The following FBLN5 variants were observed in gnomAD, a reference collection of about 807,000 sequenced individuals.
The protein encoded by FBLN5 is fibulin-5.
FBLN5 carries 24 observed loss-of-function variants against 61.6 expected under a neutral mutation model. That is an observed-to-expected ratio of 0.39 (90% CI 0.28 to 0.55). FBLN5 has a LOEUF of 0.55. Among genes scored for constraint, FBLN5 ranks in the 20% least tolerant of loss-of-function variants. The pLI is 0.65. For missense variants in FBLN5, 470 were observed against 594.1 expected, an observed-to-expected ratio of 0.79 and a Z score of 2.17; for synonymous variants, 213 against 219.8, an observed-to-expected ratio of 0.97 and a Z score of 0.27.
At chr14:91,926,825 C>T (rs369337242) in intron 4 of FBLN5, among the ~76,000 whole-genome samples, 2 of 152,068 alleles carry the variant, frequency 1.3e-5, no homozygotes, top group Admixed American at 6.6e-5. Context: ...AGTGACAACG[C>T]GATTGCTTAG....
At chr14:91,875,318 G>A (rs1889116049) in intron 10 of FBLN5, among the ~76,000 whole-genome samples, 2 of 152,162 alleles carry the variant, frequency 1.3e-5, no homozygotes, top group Admixed American at 1.3e-4. Context: ...GAGGAACGGG[G>A]AATGCAAGGA....
intron 1 of FBLN5, chr14:91,946,601 A>T: frequency 5.9e-6 from 5 of 845,174 alleles, no homozygotes; most frequent in Non-Finnish European, 9.5e-6. Flanking sequence ...TGTTTTCAAG[A>T]GCTCGCTGAA....
At chr14:91,914,497 A>C (rs894502957) in intron 4 of FBLN5, among the ~76,000 whole-genome samples, 34 of 149,700 alleles carry the variant, frequency 2.3e-4, no homozygotes, top group African/African-American at 7.8e-4. Context: ...AAAAAAAAAA[A>C]AAAACAACAA....
Position 91,882,317 on chromosome 14 carries a change from G to A in FBLN5, c.862+637C>T, listed in dbSNP as rs1310201254. ...TTCTATTGCCTGGCACTACTACGGA[G>A]AATTCTTGCTTGGCAATGGGATAAG... On this transcript the variant is annotated intron_variant, in intron 8 of 10. Transcript: ENST00000342058. This position sits in a 1 kb window ranked among gnomAD's most constrained non-coding sequence, Gnocchi z 4.9. Among the ~76,000 whole-genome samples the A allele has an allele frequency of 6.6e-6, 1 of 152,212 alleles. No individual in the cohort carries two copies. The highest frequency in any genetic ancestry group is 1.5e-5 in the Non-Finnish European group (1 of 68,052).
At chr14:91,899,806 G>A (rs1280116564) in intron 4 of FBLN5, among the ~76,000 whole-genome samples, 1 of 152,224 alleles carries the variant, frequency 6.6e-6, no homozygotes, top group African/African-American at 2.4e-5. Flanking sequence ...CCTCAGGCTG[G>A]TGTGTTTTAA....
chr14:91,925,126 A>C (rs1383378003), intron 4 of FBLN5, among the ~76,000 whole-genome samples: 1 of 135,860 alleles, frequency 7.4e-6, no homozygotes, highest in Non-Finnish European at 1.7e-5. Context: ...TGTAGAGCTC[A>C]TAAATCAACT....
At chr14:91,931,947 C>T (rs1348595388) in intron 4 of FBLN5, among the ~76,000 whole-genome samples, 1 of 152,188 alleles carries the variant, frequency 6.6e-6, no homozygotes, top group African/African-American at 2.4e-5. Context: ...TCCTCAGCCC[C>T]ACACCGTCCT....
Position 91,870,116 on chromosome 14 carries a change from G to A in FBLN5, c.*108C>T. The A allele has an allele frequency of 8.5e-7, 1 of 1,179,026 alleles. No homozygotes were observed. The highest frequency in any genetic ancestry group is 1.2e-6 in the Non-Finnish European group (1 of 800,078). The allele number at this position is 1,179,026 out of a possible 1,614,324, so 73.0% of individuals were successfully genotyped here. On this transcript the variant is annotated 3_prime_UTR_variant, in exon 11 of 11. Coordinates refer to ENST00000342058, the MANE Select transcript of FBLN5 (RefSeq NM_006329.4). ...GGCTGACTCTTCGGGGAAACGTTCA[G>A]CAGGAAATGCCTAACGTCTGTGTCG... is the stretch of plus-strand genomic sequence containing the variant.
At position 91,922,101 on chromosome 14, in the gene FBLN5, C is replaced by T. The variant is rs564621170; in HGVS notation, c.379+14846G>A. ...TCACCTGAGGTCAGGAATTTGAACA[C>T]GGCCAACATGGCAAAACCCCATTTC... On this transcript the variant is annotated intron_variant, in intron 4 of 10. Coordinates refer to ENST00000342058, the MANE Select transcript of FBLN5 (RefSeq NM_006329.4). Among the ~76,000 whole-genome samples, 94 of 152,056 alleles carry T rather than the reference C, an allele frequency of 6.2e-4. No homozygotes were observed. The Middle Eastern group carries it at 0.014, about 22-fold the overall frequency.
chr14:91,947,356 G>A lies in FBLN5; in HGVS notation c.-127C>T, dbSNP rs534240508. On this transcript the variant is annotated 5_prime_UTR_variant, in exon 1 of 11. Coordinates refer to ENST00000342058, the MANE Select transcript of FBLN5 (RefSeq NM_006329.4). This position sits in a 1 kb window ranked among gnomAD's most constrained non-coding sequence, Gnocchi z 4.3. ...CTCGCGGGTGTTTTATTCCAGAGGG[G>A]CCGAGCGAGTCGTGGAGAGGACACG... 2.5e-4 allele frequency: 267 copies of A among 1,085,466 alleles called. 2 individuals carry two copies. In the African/African-American group the frequency reaches 3.9e-3, roughly 16 times the overall value. 67.2% of individuals were successfully genotyped at this position (1,085,466 alleles called of 1,614,324 possible). A position where few individuals can be genotyped will look rare whatever the true frequency, so the allele number is the denominator to read the frequency against.
chr14:91,878,055 A>G, intron 9 of FBLN5: 1 of 418,664 alleles, frequency 2.4e-6, no homozygotes, highest in Non-Finnish European at 4.6e-6. Context: ...CAAAACAAAA[A>G]AAAAGGAAGA....
intron 4 of FBLN5, among the ~76,000 whole-genome samples, chr14:91,903,050 C>T (rs1358205331): frequency 1.3e-5 from 2 of 152,072 alleles, no homozygotes; most frequent in Non-Finnish European, 2.9e-5. Flanking sequence ...AGGCAACAAA[C>T]CTGCACATGT....
intron 2 of FBLN5, among the ~76,000 whole-genome samples, chr14:91,942,477 G>T (rs765519940): frequency 2.0e-5 from 3 of 152,244 alleles, no homozygotes; most frequent in African/African-American, 4.8e-5. Context: ...ACTGAAGGTA[G>T]GTTGAGGCCT....
intron 4 of FBLN5, among the ~76,000 whole-genome samples, chr14:91,914,127 G>A (rs978835313): frequency 6.6e-6 from 1 of 152,154 alleles, no homozygotes; most frequent in Non-Finnish European, 1.5e-5. Context: ...CAGATCACTT[G>A]AGCTCAAGAG....
At chr14:91,873,013 G>A (rs938541881) in intron 10 of FBLN5, among the ~76,000 whole-genome samples, 2 of 152,142 alleles carry the variant, frequency 1.3e-5, no homozygotes, top group Admixed American at 1.3e-4. Flanking sequence ...TCCTGAGTAC[G>A]AAAGAATCCT....
At chr14:91,926,885 G>A (rs914482212) in intron 4 of FBLN5, among the ~76,000 whole-genome samples, 3 of 152,080 alleles carry the variant, frequency 2.0e-5, no homozygotes, top group Non-Finnish European at 4.4e-5. Flanking sequence ...AAACATTCCC[G>A]GAAGATAAGC....
intron 4 of FBLN5, among the ~76,000 whole-genome samples, chr14:91,907,749 A>T (rs1245150167): frequency 6.6e-6 from 1 of 152,118 alleles, no homozygotes; most frequent in East Asian, 1.9e-4. Flanking sequence ...GGAAAAGTAG[A>T]GAGAAAAGAA....
In FBLN5 at chr14:91,891,440, C is replaced by T. The variant is rs114834144; in HGVS notation, c.503-103G>A. The T allele has an allele frequency of 5.1e-4, 415 of 818,884 alleles. No individual in the cohort carries two copies. In the African/African-American group the frequency reaches 5.4e-3, roughly 11 times the overall value. The allele number at this position is 818,884 out of a possible 1,614,324, so 50.7% of individuals were successfully genotyped here. On this transcript the variant is annotated intron_variant, in intron 5 of 10. Coordinates refer to ENST00000342058, the MANE Select transcript of FBLN5 (RefSeq NM_006329.4). ...TGCTCTTCCCAAACAGGATCATGAACGGAAGCAAATGGGAACAGGAGCCAA... is the reference window on the plus strand; with the variant it reads ...TGCTCTTCCCAAACAGGATCATGAATGGAAGCAAATGGGAACAGGAGCCAA...
chr14:91,911,186 G>C (rs1890914799), intron 4 of FBLN5, among the ~76,000 whole-genome samples: 1 of 152,018 alleles, frequency 6.6e-6, no homozygotes, highest in Non-Finnish European at 1.5e-5. Flanking sequence ...CTTTTCACCA[G>C]GTTGGCCAGG....
Sources: allele counts gnomAD v4.1 joint callset (sites outside exome capture counted in the v4.1 genomes callset), GRCh38; gene constraint gnomAD v4.1.1; non-coding constraint Gnocchi (gnomAD v3.1); transcripts MANE v1.5; gene names NCBI Gene and HGNC (gene_info 2026-07-23, HGNC 2026-07-21).